IDUA: variants seen among roughly 807,000 people sequenced by gnomAD.
The protein encoded by IDUA is alpha-L-iduronidase.
In IDUA, 65 loss-of-function variants were observed where a neutral mutation model predicts 68.9. That is an observed-to-expected ratio of 0.94 (90% CI 0.77 to 1.16). IDUA has a LOEUF of 1.16. Among genes scored for constraint, IDUA ranks in the 50% most tolerant of loss-of-function variants. The pLI is 0.00. For synonymous variants in IDUA, 529 were observed against 433.6 expected (o/e 1.22, Z -2.73); for missense variants, 1,046 against 938.0 (o/e 1.12, Z -1.50).
intron 2 of IDUA, among the ~76,000 whole-genome samples, chr4:994,442 ATTTTTT>A (rs199656889): frequency 7.0e-6 from 1 of 142,710 alleles, no homozygotes; most frequent in East Asian, 2.1e-4. Flanking sequence ...CGCCCGGCTA[ATTTTTT>A]TTTTTTTGAG....
Position 1,001,509 on chromosome 4 carries a change from A to G in IDUA, c.535A>G (p.Thr179Ala), listed in dbSNP as rs766030255. 1 of 1,613,046 alleles carries G rather than the reference A, an allele frequency of 6.2e-7. No individual in the cohort carries two copies. Among genetic ancestry groups the G allele is most frequent in the African/African-American group, 1.3e-5 (1 of 74,870 alleles). Residue 179 changes from threonine (T) to alanine (A), a missense_variant, in exon 5 of 14, where the codon ACG (threonine) becomes GCG (alanine). Transcript: ENST00000514224. ...GCATGTTTCCAAGTGGAACTTCGAG[A>G]CGTGGAATGAGCCAGACCACCACGA... ...LAHVSKWNFE[T>A]WNEPDHHDFD...
At position 1,003,308 on chromosome 4, in the gene IDUA, C is replaced by A. The variant is rs893741298; in HGVS notation, c.1525-37C>A. 9 of 1,420,802 alleles carry A rather than the reference C, an allele frequency of 6.3e-6. No individual in the cohort carries two copies. The African/African-American group carries it at 1.1e-4, about 17-fold the overall frequency. The allele number at this position is 1,420,802 out of a possible 1,614,324, so 88.0% of individuals were successfully genotyped here. The stretch of plus-strand genomic sequence containing the variant: ...GAGGTCGGGCCGAGCGTCCCCAGCT[C>A]CCCTGGAGAACCCTGAGGACCGGCC... On this transcript the variant is annotated intron_variant, in intron 10 of 13. Coordinates refer to ENST00000514224, the MANE Select transcript of IDUA (RefSeq NM_000203.5).
intron 2 of IDUA, chr4:990,218 C>G (rs1714168209): frequency 6.4e-7 from 1 of 1,566,508 alleles, no homozygotes; most frequent in Non-Finnish European, 8.6e-7. Context: ...ATGCCGGGCC[C>G]CTGGTGCCGC....
chr4:987,267 C>T (rs943338918), intron 1 of IDUA, 25 bp downstream of exon 1: 27 of 1,510,516 alleles, frequency 1.8e-5, no homozygotes, highest in Non-Finnish European at 2.1e-5. Context: ...GCCTCCGGGA[C>T]CCCCTGGCCG....
intron 2 of IDUA, among the ~76,000 whole-genome samples, chr4:998,481 C>G (rs1714876065): frequency 6.6e-6 from 1 of 152,146 alleles, no homozygotes; most frequent in African/African-American, 2.4e-5. Context: ...AGGTGCACTG[C>G]CCCACGGGCA....
Position 1,002,427 on chromosome 4 carries a change from G to A in IDUA, c.1131G>A (p.Pro377=), listed in dbSNP as rs1715149905. ...ARFQVNNTRP[P]HVQLLRKPVL... Reference sequence around the variant, plus strand: ...TCCAGGTCAACAACACCCGCCCGCCGCACGTGCAGCTGTTGCGCAAGCCGG... The same window carrying A: ...TCCAGGTCAACAACACCCGCCCGCCACACGTGCAGCTGTTGCGCAAGCCGG... The change falls in exon 8 of 14, where the codon CCG becomes CCA. Residue 377 remains proline, a synonymous_variant. Coordinates refer to ENST00000514224, the MANE Select transcript of IDUA (RefSeq NM_000203.5). 2 of 1,571,736 alleles carry A rather than the reference G, an allele frequency of 1.3e-6. No homozygotes were observed. The highest frequency in any genetic ancestry group is 1.7e-6 in the Non-Finnish European group (2 of 1,160,820).
intron 1 of IDUA, 130 bp downstream of exon 1, chr4:987,372 C>T (rs1201534894): frequency 7.3e-6 from 7 of 965,442 alleles, no homozygotes; most frequent in Non-Finnish European, 1.0e-5. Context: ...CCGGGCCCGC[C>T]CCCCGCCGTG....
chr4:1,003,438 G>A lies in IDUA; in HGVS notation c.1618G>A (p.Val540Met). ...LRLPSLLLVHVCARPEKPPGQ... is the reference protein window; with the variant it reads ...LRLPSLLLVHMCARPEKPPGQ... ...GCTGCCGTCGCTTTTGCTGGTGCACGTGTGTGCGCGCCCCGAGAAGCCGCC... is the reference window on the plus strand; with the variant it reads ...GCTGCCGTCGCTTTTGCTGGTGCACATGTGTGCGCGCCCCGAGAAGCCGCC... Residue 540 changes from valine to methionine, a missense_variant, in exon 11 of 14, where the codon GTG (valine) becomes ATG (methionine). Coordinates refer to ENST00000514224, the MANE Select transcript of IDUA (RefSeq NM_000203.5). 6.5e-7 allele frequency: 1 copy of A among 1,541,200 alleles called. No homozygotes were observed. The highest frequency in any genetic ancestry group is 8.7e-7 in the Non-Finnish European group (1 of 1,149,934).
chr4:998,391 G>A (rs757583322), intron 2 of IDUA, among the ~76,000 whole-genome samples: 20 of 152,288 alleles, frequency 1.3e-4, no homozygotes, highest in Non-Finnish European at 2.5e-4. Context: ...ACGGGGAGCT[G>A]TATAGGGCCA....
chr4:1,003,822 A>G (rs1368915329), intron 12 of IDUA, 190 bp from the exon 13 acceptor site: 8 of 774,200 alleles, frequency 1.0e-5, no homozygotes, highest in South Asian at 1.5e-5. Context: ...GGGTTCTCCT[A>G]GGGGACATGA....
intron 2 of IDUA, chr4:989,954 G>A (rs865998336): frequency 6.4e-7 from 1 of 1,555,778 alleles, no homozygotes; most frequent in Non-Finnish European, 8.7e-7. Flanking sequence ...ACCTGAGGGG[G>A]CATGAAACCC....
At chr4:989,135 G>A (rs1397377469) in intron 2 of IDUA, 1 of 1,607,508 alleles carries the variant, frequency 6.2e-7, no homozygotes, top group Non-Finnish European at 8.5e-7. Flanking sequence ...GCGGGCACCA[G>A]CGCAGCCCTG....
intron 2 of IDUA, chr4:999,962 G>A (rs1295715669): frequency 3.5e-5 from 5 of 143,388 alleles, no homozygotes; most frequent in African/African-American, 1.3e-4. Context: ...GGCCTCGTGG[G>A]AATTCAGCCC....
At chr4:1,003,954 G>A (rs1338378927) in intron 12 of IDUA, 58 bp from the exon 13 acceptor site, 1 of 1,412,458 alleles carries the variant, frequency 7.1e-7, no homozygotes, top group African/African-American at 1.4e-5. Flanking sequence ...TGCCCTGCCT[G>A]CTCCCACCTT....
chr4:998,593 C>G (rs1218592277), intron 2 of IDUA, among the ~76,000 whole-genome samples: 2 of 152,110 alleles, frequency 1.3e-5, no homozygotes, highest in Non-Finnish European at 2.9e-5. Context: ...ATTCCATTCA[C>G]CCCATTCCCT....
chr4:989,450 A>G, intron 2 of IDUA: 5 of 1,553,994 alleles, frequency 3.2e-6, no homozygotes, highest in Non-Finnish European at 4.4e-6. Context: ...CTGAGCAGCG[A>G]GAGGATGACG....
rs755037135 is a variant in IDUA, at chr4:1,003,330, G to A, written c.1525-15G>A. Reference sequence around the variant, plus strand: ...GCTCCCCTGGAGAACCCTGAGGACCGGCCACTGCGCCCAGGACCCGGTGGC... The same window carrying A: ...GCTCCCCTGGAGAACCCTGAGGACCAGCCACTGCGCCCAGGACCCGGTGGC... On this transcript the variant is annotated splice_polypyrimidine_tract_variant and intron_variant, in intron 10 of 13. Transcript: ENST00000514224. 6 of 1,447,756 alleles carry A rather than the reference G, an allele frequency of 4.1e-6. No homozygotes were observed. The highest frequency in any genetic ancestry group is 2.7e-5 in the Admixed American group (1 of 36,738). 89.7% of individuals were successfully genotyped at this position (1,447,756 alleles called of 1,614,324 possible).
chr4:995,525 C>T (rs1300022908), intron 2 of IDUA, among the ~76,000 whole-genome samples: 3 of 152,196 alleles, frequency 2.0e-5, no homozygotes, highest in East Asian at 1.9e-4. Flanking sequence ...GTGGGTCCCT[C>T]GGGTGGGGCT....
At chr4:991,389 G>T in intron 2 of IDUA, 3 of 1,612,886 alleles carry the variant, frequency 1.9e-6, no homozygotes, top group Non-Finnish European at 2.5e-6. Context: ...TGGCGAAGAA[G>T]GACGTATAGA....
Sources: gnomAD v4.1 joint callset for allele counts (sites outside exome capture counted in the v4.1 genomes callset) on GRCh38, gnomAD v4.1.1 for gene constraint, MANE v1.5 for transcripts, NCBI Gene and HGNC (gene_info 2026-07-23, HGNC 2026-07-21) for gene names.